MYO3A: variants seen among roughly 807,000 people sequenced by gnomAD.
MYO3A encodes myosin-IIIa.
A neutral mutation model predicts 192.7 loss-of-function variants in MYO3A; 180 were observed. The observed-to-expected ratio is 0.93, with a 90% CI of 0.83 to 1.06. The LOEUF is 1.06. Ranked by LOEUF, MYO3A falls within the 50% of genes least tolerant of loss-of-function variation. The pLI is 0.00. For missense variants in MYO3A, 1,896 were observed against 1,905.0 expected, an observed-to-expected ratio of 1.00 and a Z score of 0.09; for synonymous variants, 628 against 645.3, an observed-to-expected ratio of 0.97 and a Z score of 0.41.
At position 26,145,409 on chromosome 10, in the gene MYO3A, T is replaced by C. The variant is rs756704100; in HGVS notation, c.2417-37T>C. On this transcript the variant is annotated intron_variant, in intron 21 of 34. Transcript: ENST00000642920. ...TTCGCAGTATTTTTTGAGGATCTCA[T>C]ACATGCTTGATATTTGAGTTCAGTA... 47 of 1,386,394 alleles carry C rather than the reference T, an allele frequency of 3.4e-5. No homozygotes were observed. The Admixed American group carries it at 7.6e-4, about 22-fold the overall frequency. The allele number at this position is 1,386,394 out of a possible 1,614,324, so 85.9% of individuals were successfully genotyped here. A position where few individuals can be genotyped will look rare whatever the true frequency, so the allele number is the denominator to read the frequency against.
chr10:26,141,149 G>A (rs1390750135), intron 20 of MYO3A, among the ~76,000 whole-genome samples: 7 of 152,162 alleles, frequency 4.6e-5, no homozygotes, highest in African/African-American at 1.4e-4. Context: ...GGATGGTCTC[G>A]ATCTTCTGAC....
chr10:26,068,382 G>A (rs1834983855), intron 11 of MYO3A, among the ~76,000 whole-genome samples: 1 of 152,078 alleles, frequency 6.6e-6, no homozygotes, highest in Non-Finnish European at 1.5e-5. Flanking sequence ...AAAGCCACTG[G>A]ATCACCTTGA....
At chr10:25,941,949 C>T (rs1836520777) in intron 2 of MYO3A, among the ~76,000 whole-genome samples, 1 of 151,408 alleles carries the variant, frequency 6.6e-6, no homozygotes, top group African/African-American at 2.4e-5. Context: ...AGTTTCCTTT[C>T]TTTTTAAGGC....
intron 31 of MYO3A, among the ~76,000 whole-genome samples, chr10:26,180,805 G>T (rs1842587622): frequency 1.3e-5 from 2 of 151,926 alleles, no homozygotes; most frequent in Non-Finnish European, 2.9e-5. Flanking sequence ...GATACATTGT[G>T]TTTCTGAATT....
chr10:26,193,146 A>G, intron 31 of MYO3A, 59 bp from the exon 32 acceptor site: 1 of 1,297,256 alleles, frequency 7.7e-7, no homozygotes, highest in South Asian at 1.2e-5. Context: ...CAAAAGGAAA[A>G]CATCACTTGA....
intron 20 of MYO3A, among the ~76,000 whole-genome samples, chr10:26,136,298 A>G (rs1483591262): frequency 1.3e-5 from 2 of 152,244 alleles, no homozygotes; most frequent in African/African-American, 4.8e-5. Flanking sequence ...GGTCATATAT[A>G]CCAGCTATTA....
chr10:26,094,791 T>C (rs773923430), intron 15 of MYO3A, among the ~76,000 whole-genome samples: 3 of 152,208 alleles, frequency 2.0e-5, no homozygotes, highest in African/African-American at 4.8e-5. Flanking sequence ...CTGCATAATA[T>C]ACAGGGGGAG....
chr10:25,979,189 A>G (rs12264399), intron 4 of MYO3A, among the ~76,000 whole-genome samples: 3,860 of 152,284 alleles, frequency 0.025, 185 homozygotes, highest in African/African-American at 0.087. Context: ...AAGCCAACTC[A>G]GTGGCTTCTA....
chr10:26,072,753 C>A (rs970364132), intron 14 of MYO3A, among the ~76,000 whole-genome samples: 1 of 151,648 alleles, frequency 6.6e-6, no homozygotes, highest in African/African-American at 2.4e-5. Flanking sequence ...AACTGGAATG[C>A]TCATATATTT....
Position 26,157,469 on chromosome 10 carries a change from AG to A in MYO3A, c.2954del (p.Arg985AsnfsTer2), listed in dbSNP as rs1473730278. On this transcript the variant is annotated frameshift_variant, in exon 26 of 35. Coordinates refer to ENST00000642920, the MANE Select transcript of MYO3A (RefSeq NM_017433.5). LOFTEE classifies it high-confidence loss of function. ...AATTCTGGAAACAGCAAGAATTCGA[AG>A]ACTAGGATTCTCCCATCGGATACTT... ...TGILETARIR[R>X]LGFSHRILFA... is the part of the protein sequence containing the mutation. 3 of 1,614,206 alleles carry A rather than the reference AG, an allele frequency of 1.9e-6. No homozygotes were observed. Among genetic ancestry groups the A allele is most frequent in the Non-Finnish European group, 2.5e-6 (3 of 1,180,020 alleles).
rs750289933 is a variant in MYO3A, at chr10:26,145,800, C to T, written c.2505+266C>T. On this transcript the variant is annotated intron_variant, in intron 22 of 34. Transcript: ENST00000642920. ...AAGAGGTTAAAAGAAAAGTCTTTCT[C>T]TTAGTTTAACAATCATAAGTTTATA... Among the ~76,000 whole-genome samples, 3 of 152,126 alleles carry T rather than the reference C, an allele frequency of 2.0e-5. No homozygotes were observed. In the South Asian group the frequency reaches 6.2e-4, roughly 32 times the overall value.
At chr10:26,143,939 TGAGAA>T (rs919484515) in intron 21 of MYO3A, among the ~76,000 whole-genome samples, 2 of 152,184 alleles carry the variant, frequency 1.3e-5, no homozygotes, top group Non-Finnish European at 2.9e-5. Context: ...GCTCTGGAAT[TGAGAA>T]GAGATAGTTA....
rs138343500 is a variant in MYO3A at position 26,043,455 on chromosome 10, G to A, written c.953+16923G>A. 3.0e-3 allele frequency among the ~76,000 whole-genome samples: 453 copies of A among 151,916 alleles called. 3 individuals carry two copies. The highest frequency in any genetic ancestry group is 0.011 in the African/African-American group (439 of 41,370). On this transcript the variant is annotated intron_variant, in intron 10 of 34. Coordinates refer to ENST00000642920, the MANE Select transcript of MYO3A (RefSeq NM_017433.5). ...TCCAGAGATGTCATCAAGGATCCAG[G>A]GACTGGAGTCAAGAACCTTGGAAAC...
At chr10:26,000,461 TG>T (rs1476754319) in intron 6 of MYO3A, among the ~76,000 whole-genome samples, 40 of 152,184 alleles carry the variant, frequency 2.6e-4, no homozygotes, top group African/African-American at 9.7e-4. Context: ...AAAAAATGAT[TG>T]AGGTAACATT....
intron 6 of MYO3A, among the ~76,000 whole-genome samples, chr10:26,011,307 G>A (rs539944230): frequency 3.9e-5 from 6 of 152,070 alleles, no homozygotes; most frequent in Non-Finnish European, 7.4e-5. Context: ...GGTAGTGTGC[G>A]CCTGTAGTGC....
intron 31 of MYO3A, among the ~76,000 whole-genome samples, chr10:26,192,653 TCC>T (rs1843200619): frequency 1.0e-5 from 1 of 96,874 alleles, no homozygotes; most frequent in African/African-American, 4.4e-5. Context: ...TTCCTTTCTT[TCC>T]TTTTTTTTTT....
intron 2 of MYO3A, among the ~76,000 whole-genome samples, chr10:25,943,753 A>G (rs1460395510): frequency 7.2e-6 from 1 of 138,610 alleles, no homozygotes; most frequent in Non-Finnish European, 1.6e-5. Context: ...TGAATTCATT[A>G]ATTAGTTCTA....
At chr10:26,128,728 T>G (rs990665971) in intron 20 of MYO3A, among the ~76,000 whole-genome samples, 190 bp downstream of exon 20, 1 of 152,218 alleles carries the variant, frequency 6.6e-6, no homozygotes, top group Non-Finnish European at 1.5e-5. Flanking sequence ...TTAGTGTGAC[T>G]GATATGTGAT....
chr10:25,940,685 A>T (rs968050770), intron 2 of MYO3A, among the ~76,000 whole-genome samples: 1 of 152,216 alleles, frequency 6.6e-6, no homozygotes, highest in Admixed American at 6.5e-5. Context: ...ATCTTGAAAG[A>T]TACTTTTATG....
Sources: gnomAD v4.1 joint callset for allele counts (sites outside exome capture counted in the v4.1 genomes callset) on GRCh38, gnomAD v4.1.1 for gene constraint, MANE v1.5 for transcripts, NCBI Gene and HGNC (gene_info 2026-07-23, HGNC 2026-07-21) for gene names.